GTF3C1: variants seen among roughly 807,000 people sequenced by gnomAD.
GTF3C1 encodes general transcription factor 3C polypeptide 1.
In GTF3C1, 57 loss-of-function variants were observed where a neutral mutation model predicts 226.7. The observed-to-expected ratio is 0.25, with a 90% CI of 0.20 to 0.31. GTF3C1 has a LOEUF of 0.31. GTF3C1 is among the 10% of genes least tolerant of loss of function. GTF3C1 has a pLI of 1.00. For missense variants in GTF3C1, 2,217 were observed against 2,776.1 expected (o/e 0.80, Z 4.53); for synonymous variants, 1,090 against 1,084.8 (o/e 1.00, Z -0.09).
At chr16:27,481,252 A>T in intron 26 of GTF3C1, 61 bp from the exon 27 acceptor site, 1 of 1,385,076 alleles carries the variant, frequency 7.2e-7, no homozygotes, top group Non-Finnish European at 1.0e-6. Context: ...GGTTTTGCTA[A>T]GATGCACCAA....
intron 6 of GTF3C1, among the ~76,000 whole-genome samples, chr16:27,514,534 TCCC>T (rs1399276355): frequency 3.3e-5 from 5 of 151,586 alleles, no homozygotes; most frequent in Admixed American, 3.3e-4. Context: ...ACCATGCCAT[TCCC>T]CCCTAGACTG....
chr16:27,478,691 GA>G (rs2141360735), intron 27 of GTF3C1, 160 bp from the exon 28 acceptor site: 2 of 663,936 alleles, frequency 3.0e-6, no homozygotes, highest in Non-Finnish European at 5.5e-6. Flanking sequence ...ATTAAAATGA[GA>G]ATATACCCTG....
rs1269079455 is a variant in GTF3C1 at position 27,537,740 on chromosome 16, G to C, written c.752+44C>G. ...CAATTTTTAAAGCATACTACACATG[G>C]CTGCAACTAAAAAACCTAATGTTTT... is the stretch of plus-strand genomic sequence containing the variant. On this transcript the variant is annotated intron_variant, in intron 4 of 36. Coordinates refer to ENST00000356183, the MANE Select transcript of GTF3C1 (RefSeq NM_001520.4). 9 of 1,455,644 alleles carry C rather than the reference G, an allele frequency of 6.2e-6. No individual in the cohort carries two copies. The South Asian group carries it at 1.1e-4, about 17-fold the overall frequency. 90.2% of individuals were successfully genotyped at this position (1,455,644 alleles called of 1,614,324 possible).
intron 4 of GTF3C1, among the ~76,000 whole-genome samples, chr16:27,535,504 G>A (rs1156390773): frequency 6.6e-6 from 1 of 151,570 alleles, no homozygotes; most frequent in East Asian, 1.9e-4. Flanking sequence ...GAACCTAGGA[G>A]GCAAAGGTTG....
chr16:27,488,164 G>C lies in GTF3C1; in HGVS notation c.3700+63C>G, dbSNP rs573570430. 208 of 1,441,168 alleles carry C rather than the reference G, an allele frequency of 1.4e-4. 1 individual carries two copies. In the South Asian group the frequency reaches 2.4e-3, roughly 17 times the overall value. The allele number at this position is 1,441,168 out of a possible 1,614,324, so 89.3% of individuals were successfully genotyped here. A position where few individuals can be genotyped will look rare whatever the true frequency, so the allele number is the denominator to read the frequency against. On this transcript the variant is annotated intron_variant, in intron 23 of 36. Transcript: ENST00000356183. The stretch of plus-strand genomic sequence containing the variant: ...GCTCAGGCCTGGCTGGAGTGAGGCT[G>C]TCGCACATCTCCAAGCCAAAACAAA...
intron 6 of GTF3C1, 67 bp from the exon 7 acceptor site, chr16:27,511,968 T>C: frequency 6.5e-7 from 1 of 1,548,028 alleles, no homozygotes; most frequent in Non-Finnish European, 8.8e-7. Context: ...AGGTGAGGGG[T>C]TCTGAAATAT....
chr16:27,470,251 C>T lies in GTF3C1; in HGVS notation c.4671G>A (p.Val1557=), dbSNP rs767457194. 1 of 1,614,052 alleles carries T rather than the reference C, an allele frequency of 6.2e-7. No individual in the cohort carries two copies. Among genetic ancestry groups the T allele is most frequent in the South Asian group, 1.1e-5 (1 of 91,080 alleles). Residue 1557 remains valine, a synonymous_variant, in exon 31 of 37, where the codon GTG becomes GTA. Coordinates refer to ENST00000356183, the MANE Select transcript of GTF3C1 (RefSeq NM_001520.4). The surrounding 1 kb of genome is among the most constrained non-coding windows in gnomAD (Gnocchi z 4.9). ...QDNNEPTNDM[V]AFSLDGPGGN... Reference sequence around the variant, plus strand: ...CTCCAGGGCCGTCCAGTGAAAAGGCCACCATGTCGTTTGTGGGCTCGTTAT... The same window carrying T: ...CTCCAGGGCCGTCCAGTGAAAAGGCTACCATGTCGTTTGTGGGCTCGTTAT...
At chr16:27,467,070 G>A (rs542334146) in intron 32 of GTF3C1, among the ~76,000 whole-genome samples, 1 of 152,212 alleles carries the variant, frequency 6.6e-6, no homozygotes, top group Non-Finnish European at 1.5e-5. Flanking sequence ...CAGTAATGAA[G>A]GTGGATACAC....
Position 27,507,160 on chromosome 16 carries a change from G to GA in GTF3C1, c.1243-5dup, listed in dbSNP as rs1340481174. The GA allele has an allele frequency of 1.3e-6, 2 of 1,596,368 alleles. No individual in the cohort carries two copies. Among genetic ancestry groups the GA allele is most frequent in the East Asian group, 4.5e-5 (2 of 44,614 alleles). On this transcript the variant is annotated splice_region_variant and splice_polypyrimidine_tract_variant and intron_variant, in intron 8 of 36. Transcript: ENST00000356183. The surrounding 1 kb of genome is among the most constrained non-coding windows in gnomAD (Gnocchi z 4.9). Reference sequence around the variant, plus strand: ...GACCTTCGTCTTCCATGAATCCCTAGAGGGAATAAGATGTGTTTATCCCAC... The same window carrying GA: ...GACCTTCGTCTTCCATGAATCCCTAGAAGGGAATAAGATGTGTTTATCCCAC...
At chr16:27,514,122 C>T (rs753461395) in intron 6 of GTF3C1, among the ~76,000 whole-genome samples, 17 of 152,184 alleles carry the variant, frequency 1.1e-4, no homozygotes, top group Non-Finnish European at 2.2e-4. Context: ...CAGAAGTGGT[C>T]CCCAGGCACC....
intron 1 of GTF3C1, among the ~76,000 whole-genome samples, chr16:27,549,164 G>GA (rs963094320): frequency 2.0e-5 from 3 of 151,448 alleles, no homozygotes; most frequent in African/African-American, 7.3e-5. Context: ...TCTCAAAAAA[G>GA]AAAAAAAAGA....
intron 2 of GTF3C1, among the ~76,000 whole-genome samples, chr16:27,542,024 T>A (rs2089092041): frequency 6.6e-6 from 1 of 152,104 alleles, no homozygotes; most frequent in Non-Finnish European, 1.5e-5. Context: ...GAAATAAAAT[T>A]AAAAACCAAA....
At chr16:27,473,455 C>T (rs2087906279) in intron 29 of GTF3C1, among the ~76,000 whole-genome samples, 1 of 152,234 alleles carries the variant, frequency 6.6e-6, no homozygotes, top group Non-Finnish European at 1.5e-5. Flanking sequence ...ATAGGACTGT[C>T]TCCTCAAAAG....
chr16:27,528,135 C>T (rs1341405253), intron 6 of GTF3C1, among the ~76,000 whole-genome samples: 2 of 152,262 alleles, frequency 1.3e-5, no homozygotes, highest in Middle Eastern at 6.8e-3. Flanking sequence ...ATTAGCCAGG[C>T]ATGGTGGCGG....
intron 3 of GTF3C1, 26 bp from the exon 4 acceptor site, chr16:27,537,953 T>C: frequency 6.2e-7 from 1 of 1,609,694 alleles, no homozygotes; most frequent in Non-Finnish European, 8.5e-7. Flanking sequence ...AGCCATGTCA[T>C]TTGCTTTGCT....
intron 12 of GTF3C1, among the ~76,000 whole-genome samples, chr16:27,500,828 A>G (rs187464975): frequency 6.6e-6 from 1 of 152,338 alleles, no homozygotes; most frequent in Admixed American, 6.5e-5. Context: ...ATGTTGCCTC[A>G]GCTCTCCGAG....
Position 27,464,320 on chromosome 16 carries a change from C to T in GTF3C1, c.5872G>A (p.Gly1958Arg). The change falls in exon 34 of 37, where the codon GGG becomes AGG. Residue 1958 changes from glycine (G) to arginine (R), a missense_variant and splice_region_variant. By Grantham distance (125) the Gly-to-Arg change is moderately radical. This residue lies in a region of GTF3C1 where 455 missense variants were observed against 441.9 expected (regional missense o/e 1.03). Coordinates refer to ENST00000356183, the MANE Select transcript of GTF3C1 (RefSeq NM_001520.4). ...QPPEGSEDPRGFTESFGAANI... is the reference protein window; with the variant it reads ...QPPEGSEDPRRFTESFGAANI... Reference sequence around the variant, plus strand: ...GGGTGGGGGACAAGGCGCGCGGTACCTCTGGGGTCTTCAGAGCCCTCTGGA... The same window carrying T: ...GGGTGGGGGACAAGGCGCGCGGTACTTCTGGGGTCTTCAGAGCCCTCTGGA... 3 of 1,487,466 alleles carry T rather than the reference C, an allele frequency of 2.0e-6. No homozygotes were observed. The highest frequency in any genetic ancestry group is 1.8e-6 in the Non-Finnish European group (2 of 1,120,740). 92.1% of individuals were successfully genotyped at this position (1,487,466 alleles called of 1,614,324 possible).
intron 6 of GTF3C1, among the ~76,000 whole-genome samples, chr16:27,514,936 C>T (rs1158808960): frequency 6.6e-6 from 1 of 152,132 alleles, no homozygotes; most frequent in African/African-American, 2.4e-5. Flanking sequence ...TGAGCAGCAG[C>T]ACGACACAGC....
intron 24 of GTF3C1, 152 bp from the exon 25 acceptor site, chr16:27,484,505 C>A (rs756224071): frequency 1.3e-5 from 8 of 611,996 alleles, no homozygotes; most frequent in Non-Finnish European, 2.4e-5. Context: ...TTACTGGGCC[C>A]ACCATGTGCC....
Sources: allele counts gnomAD v4.1 joint callset (sites outside exome capture counted in the v4.1 genomes callset), GRCh38; gene constraint gnomAD v4.1.1; regional missense constraint gnomAD v4.1.1; non-coding constraint Gnocchi (gnomAD v3.1); transcripts MANE v1.5; gene names NCBI Gene and HGNC (gene_info 2026-07-23, HGNC 2026-07-21).